The following DOLPP1 variants were observed in gnomAD, a reference collection of about 807,000 sequenced individuals.
The protein encoded by DOLPP1 is dolichyldiphosphatase 1, also known as dolichyl pyrophosphate phosphatase 1.
A neutral mutation model predicts 34.1 loss-of-function variants in DOLPP1; 15 were observed. The observed-to-expected ratio is 0.44, with a 90% confidence interval of 0.29 to 0.68. The LOEUF (loss-of-function observed/expected upper bound fraction) is 0.68, where lower values mean the gene tolerates loss of function less well. DOLPP1 is among the 30% of genes least tolerant of loss of function. The probability of loss-of-function intolerance (pLI) is 0.12; values close to 1 mark genes in which losing one functional copy is unlikely to be tolerated. For missense variants in DOLPP1, 249 were observed against 307.1 expected (o/e 0.81, Z 1.41); for synonymous variants, 130 against 128.2 (o/e 1.01, Z -0.10).
At chr9:129,081,467 C>T (rs1846888219) in intron 1 of DOLPP1, among the ~76,000 whole-genome samples, 2 of 152,152 alleles carry the variant, frequency 1.3e-5, no homozygotes, top group African/African-American at 4.8e-5. Flanking sequence ...TCCCGGGGCG[C>T]CGGTGGGCTG....
At chr9:129,081,344 GC>G (rs1178295914) in intron 1 of DOLPP1, 137 bp downstream of exon 1, 1 of 1,116,666 alleles carries the variant, frequency 9.0e-7, no homozygotes, top group Non-Finnish European at 1.2e-6. Context: ...CCACGGAGGG[GC>G]TCGGCCGGCG....
chr9:129,084,322 G>A (rs1017332179), intron 1 of DOLPP1, among the ~76,000 whole-genome samples: 10 of 152,240 alleles, frequency 6.6e-5, no homozygotes, highest in African/African-American at 2.4e-4. Flanking sequence ...ACAGGTCAGA[G>A]ACTTGGACTT....
At chr9:129,082,718 C>A (rs11564098) in intron 1 of DOLPP1, among the ~76,000 whole-genome samples, 4,984 of 152,264 alleles carry the variant, frequency 0.033, 273 homozygotes, top group African/African-American at 0.11. Flanking sequence ...TGCACTTCTC[C>A]GTCACACCCC....
chr9:129,089,110 C>T lies in DOLPP1; in HGVS notation c.*103C>T. ...GACGAAGCAGAGACCTCTACAGACC[C>T]AAGTCACCAAGTGGAGCCTTTTTTT... On this transcript the variant is annotated 3_prime_UTR_variant, in exon 8 of 8. Transcript: ENST00000372546. The surrounding 1 kb of genome is among the most constrained non-coding windows in gnomAD (Gnocchi z 4.9). The T allele has an allele frequency of 8.7e-7, 1 of 1,149,956 alleles. No individual in the cohort carries two copies. Among genetic ancestry groups the T allele is most frequent in the Non-Finnish European group, 1.3e-6 (1 of 782,686 alleles). 71.2% of individuals were successfully genotyped at this position (1,149,956 alleles called of 1,614,324 possible).
At chr9:129,086,417 G>T in intron 6 of DOLPP1, 150 bp downstream of exon 6, 1 of 1,063,134 alleles carries the variant, frequency 9.4e-7, no homozygotes, top group South Asian at 1.6e-5. Context: ...GACACAGGGG[G>T]TTTCCTCAGG....
At chr9:129,082,126 T>C (rs1846900685) in intron 1 of DOLPP1, among the ~76,000 whole-genome samples, 1 of 152,178 alleles carries the variant, frequency 6.6e-6, no homozygotes, top group Non-Finnish European at 1.5e-5. Flanking sequence ...CTGGGTAAGA[T>C]GGTTGAGTGC....
At chr9:129,083,787 G>A (rs975037108) in intron 1 of DOLPP1, among the ~76,000 whole-genome samples, 2 of 152,192 alleles carry the variant, frequency 1.3e-5, no homozygotes, top group African/African-American at 2.4e-5. Context: ...GGTGAGCTGA[G>A]GCTTGAATCC....
intron 1 of DOLPP1, among the ~76,000 whole-genome samples, chr9:129,081,621 G>A (rs73627727): frequency 0.08 from 12,127 of 152,240 alleles, 1,605 homozygotes; most frequent in African/African-American, 0.27. Flanking sequence ...ACAGTGCTTT[G>A]GGCTGCTTGT....
At position 129,086,618 on chromosome 9, in the gene DOLPP1, G is replaced by A. The variant is rs556714172; in HGVS notation, c.591-91G>A. 5.0e-5 allele frequency: 68 copies of A among 1,349,512 alleles called. 2 individuals carry two copies. In the South Asian group the frequency reaches 6.0e-4, roughly 12 times the overall value. The allele number at this position is 1,349,512 out of a possible 1,614,324, so 83.6% of individuals were successfully genotyped here. On this transcript the variant is annotated intron_variant, in intron 6 of 7. Coordinates refer to ENST00000372546, the MANE Select transcript of DOLPP1 (RefSeq NM_020438.5). The stretch of plus-strand genomic sequence containing the variant: ...ACTCTAGGCAGTCGGGGCGGGTGCC[G>A]TGCCAGCCCCGGGCAATGGTGGGGA...
intron 7 of DOLPP1, 129 bp downstream of exon 7, chr9:129,086,927 T>A: frequency 1.4e-6 from 1 of 725,346 alleles, no homozygotes; most frequent in Non-Finnish European, 2.4e-6. Context: ...TGAATCCTGC[T>A]GTGACCCCCA....
At position 129,081,911 on chromosome 9, in the gene DOLPP1, TTGAGGC is replaced by T. The variant is rs754358946; in HGVS notation, c.76+711_76+716del. On this transcript the variant is annotated intron_variant, in intron 1 of 7. Coordinates refer to ENST00000372546, the MANE Select transcript of DOLPP1 (RefSeq NM_020438.5). ...GGGGTCAGACCCATCTGGGCTCCAG[TTGAGGC>T]TGAGGCCTTGTGCAGGTGCCTGCCT... 1.5e-3 allele frequency among the ~76,000 whole-genome samples: 231 copies of T among 152,338 alleles called. 2 individuals are homozygous for T. Among genetic ancestry groups the T allele is most frequent in the Non-Finnish European group, 2.4e-3 (160 of 68,020 alleles).
rs913520454 is a variant in DOLPP1, at chr9:129,087,729, C to T, written c.680+931C>T. ...GGCGGGGTAGGGTGGGGCGTCCTAG[C>T]AGCCAGGAAACGTGTTTAGTGCATC... On this transcript the variant is annotated intron_variant, in intron 7 of 7. Transcript: ENST00000372546. Among the ~76,000 whole-genome samples the T allele has an allele frequency of 7.2e-5, 11 of 152,230 alleles. No homozygotes were observed. In the East Asian group the frequency reaches 2.1e-3, roughly 30 times the overall value.
chr9:129,087,462 C>G (rs2131417840), intron 7 of DOLPP1, among the ~76,000 whole-genome samples: 1 of 152,240 alleles, frequency 6.6e-6, no homozygotes, highest in South Asian at 2.1e-4. Flanking sequence ...ACTACAGGCG[C>G]CCGCCACCAC....
chr9:129,083,175 G>A (rs539466711), intron 1 of DOLPP1, among the ~76,000 whole-genome samples: 2 of 152,276 alleles, frequency 1.3e-5, no homozygotes, highest in South Asian at 4.1e-4. Flanking sequence ...CTTGTCCTAA[G>A]GGCAGTGGGA....
At chr9:129,086,396 T>C in intron 6 of DOLPP1, 129 bp downstream of exon 6, 1 of 1,219,098 alleles carries the variant, frequency 8.2e-7, no homozygotes, top group Non-Finnish European at 1.1e-6. Context: ...TGCCCCAGGG[T>C]TTGTGGCAGA....
At chr9:129,083,015 G>GT (rs991652002) in intron 1 of DOLPP1, among the ~76,000 whole-genome samples, 3 of 152,192 alleles carry the variant, frequency 2.0e-5, no homozygotes, top group Non-Finnish European at 2.9e-5. Flanking sequence ...AGCGTCCCAG[G>GT]TGGGGGGAAA....
In DOLPP1 at chr9:129,085,167, T is replaced by C; in HGVS notation, c.263-40T>C. ...CAGGTTGGGGCGTTACTGGGAGGTC[T>C]GCATCCCCCCGTGATGCCCTGGTCT... On this transcript the variant is annotated intron_variant, in intron 3 of 7. Coordinates refer to ENST00000372546, the MANE Select transcript of DOLPP1 (RefSeq NM_020438.5). This position sits in a 1 kb window ranked among gnomAD's most constrained non-coding sequence, Gnocchi z 7.0. 6.2e-7 allele frequency: 1 copy of C among 1,610,128 alleles called. No homozygotes were observed. The highest frequency in any genetic ancestry group is 1.7e-5 in the Admixed American group (1 of 59,962).
At chr9:129,081,322 T>C in intron 1 of DOLPP1, 115 bp downstream of exon 1, 4 of 1,318,704 alleles carry the variant, frequency 3.0e-6, no homozygotes, top group Non-Finnish European at 4.1e-6. Flanking sequence ...GTGGGAACTG[T>C]CAAATAGTGA....
At chr9:129,084,818 C>T (rs748497315) in intron 2 of DOLPP1, 50 bp downstream of exon 2, 47 of 1,430,952 alleles carry the variant, frequency 3.3e-5, no homozygotes, top group Non-Finnish European at 4.2e-5. Context: ...AGTGCCCCCA[C>T]CCTGCTTTGG....
Sources: allele counts gnomAD v4.1 joint callset (sites outside exome capture counted in the v4.1 genomes callset), GRCh38; gene constraint gnomAD v4.1.1; non-coding constraint Gnocchi (gnomAD v3.1); transcripts MANE v1.5; gene names NCBI Gene and HGNC (gene_info 2026-07-23, HGNC 2026-07-21).